Variants in CASP6 observed in about 807,000 individuals in gnomAD.
The protein encoded by CASP6 is caspase 6.
In CASP6, 20 loss-of-function variants were observed where a neutral mutation model predicts 31.8. The observed-to-expected ratio is 0.63, with a 90% CI of 0.44 to 0.91. The LOEUF is 0.91. Among genes scored for constraint, CASP6 ranks in the 40% least tolerant of loss-of-function variants. The probability of loss-of-function intolerance (pLI) is 0.00; values close to 1 mark genes in which losing one functional copy is unlikely to be tolerated. For synonymous variants in CASP6, 130 were observed against 127.8 expected, an observed-to-expected ratio of 1.02 and a Z score of -0.12; for missense variants, 328 against 361.1, an observed-to-expected ratio of 0.91 and a Z score of 0.74.
upstream of CASP6, among the ~76,000 whole-genome samples, chr4:109,708,021 A>T (rs1346923035): frequency 6.6e-6 from 1 of 152,214 alleles, no homozygotes; most frequent in African/African-American, 2.4e-5. Context: ...AAAAAAATTA[A>T]AATGTGTTAA....
chr4:109,669,698 GT>G, the CASP6 span, among the ~76,000 whole-genome samples: 8,499 of 138,864 alleles, frequency 0.061, 566 homozygotes, highest in African/African-American at 0.17. Context: ...TTCTGTTCTG[GT>G]TTTTTTTTTT....
Position 109,689,826 on chromosome 4 carries a change from A to G in CASP6, c.644-258T>C, listed in dbSNP as rs144498397. On this transcript the variant is annotated intron_variant, in intron 6 of 6. Coordinates refer to ENST00000265164, the MANE Select transcript of CASP6 (RefSeq NM_001226.4). ...TAAAAAATTCCCAAGATAGACAATG[A>G]TTGAGACATGAGATTACTAAAAAGA... Among the ~76,000 whole-genome samples, 432 of 152,314 alleles carry G rather than the reference A, an allele frequency of 2.8e-3. 4 individuals are homozygous for G. Among genetic ancestry groups the G allele is most frequent in the African/African-American group, 0.01 (417 of 41,574 alleles).
chr4:109,674,804 T>C, the CASP6 span, among the ~76,000 whole-genome samples: 1 of 152,260 alleles, frequency 6.6e-6, no homozygotes, highest in East Asian at 1.9e-4. Flanking sequence ...CATCTTGAAA[T>C]AGAAATATGT....
the CASP6 span, among the ~76,000 whole-genome samples, chr4:109,669,445 T>C: frequency 2.0e-5 from 3 of 152,274 alleles, no homozygotes; most frequent in Admixed American, 1.3e-4. Context: ...TTAAGAATTA[T>C]TTTCTTTATC....
chr4:109,698,056 G>A (rs1202654723), intron 2 of CASP6, among the ~76,000 whole-genome samples: 1 of 152,188 alleles, frequency 6.6e-6, no homozygotes, highest in African/African-American at 2.4e-5. Flanking sequence ...ACGAGGCTCA[G>A]AACCAAGTTC....
rs530884123 is a variant in CASP6 at position 109,697,418 on chromosome 4, C to A, written c.230+204G>T. Among the ~76,000 whole-genome samples the A allele has an allele frequency of 2.6e-5, 4 of 152,024 alleles. No individual in the cohort carries two copies. The East Asian group carries it at 7.8e-4, about 29-fold the overall frequency. On this transcript the variant is annotated intron_variant, in intron 3 of 6. Coordinates refer to ENST00000265164, the MANE Select transcript of CASP6 (RefSeq NM_001226.4). ...TCCAGAGTAGCTGGGACTACCGCCA[C>A]CATGCCCAGCTAATTGATTTTTATT...
chr4:109,664,956 T>A, the CASP6 span, among the ~76,000 whole-genome samples: 1 of 149,978 alleles, frequency 6.7e-6, no homozygotes, highest in Admixed American at 6.7e-5. Context: ...AAAAAAAAAA[T>A]TGTATTATTT....
the CASP6 span, among the ~76,000 whole-genome samples, chr4:109,682,241 C>CCA: frequency 1.3e-5 from 2 of 152,182 alleles, no homozygotes; most frequent in East Asian, 3.9e-4. Flanking sequence ...AAGGGAGAGG[C>CCA]CAGAGAGCCT....
upstream of CASP6, among the ~76,000 whole-genome samples, chr4:109,705,988 AAAAAAAAAAAAAAATAT>A (rs1252718747): frequency 8.7e-5 from 6 of 68,796 alleles, no homozygotes; most frequent in African/African-American, 3.2e-4. Context: ...AAAAAAAAAA[AAAAAAAAAAAAAAATAT>A]ATATATATAT....
At chr4:109,703,474 C>A, upstream of CASP6, 1 of 1,544,318 alleles carries the variant, frequency 6.5e-7, no homozygotes, top group Middle Eastern at 1.7e-4. Flanking sequence ...CCGCCCTCGG[C>A]CCTTCCTCGG....
chr4:109,672,744 A>T, the CASP6 span, among the ~76,000 whole-genome samples: 1 of 152,222 alleles, frequency 6.6e-6, no homozygotes, highest in Non-Finnish European at 1.5e-5. Context: ...TGTTAAAAAA[A>T]GTCCTCCAGC....
At chr4:109,690,359 C>T (rs905159306) in intron 6 of CASP6, among the ~76,000 whole-genome samples, 4 of 151,488 alleles carry the variant, frequency 2.6e-5, no homozygotes, top group African/African-American at 4.9e-5. Flanking sequence ...CAATCTCTAC[C>T]GAAAAATTAA....
At chr4:109,682,511 G>T in the CASP6 span, 1 of 1,231,722 alleles carries the variant, frequency 8.1e-7, no homozygotes, top group Non-Finnish European at 1.1e-6. Flanking sequence ...AGAGAATTGG[G>T]GACCGAAAGA....
chr4:109,682,965 T>A, the CASP6 span: 1 of 419,990 alleles, frequency 2.4e-6, no homozygotes, highest in Non-Finnish European at 4.3e-6. Context: ...GGACTTGAGC[T>A]CACGTGGCCT....
chr4:109,678,769 T>C, the CASP6 span, among the ~76,000 whole-genome samples: 1 of 134,916 alleles, frequency 7.4e-6, no homozygotes, highest in African/African-American at 2.9e-5. Context: ...GAGGTGCTCC[T>C]CACTTCCCAG....
In CASP6 at chr4:109,694,255, T is replaced by C. The variant is rs147428971; in HGVS notation, c.483+270A>G. Among the ~76,000 whole-genome samples the C allele has an allele frequency of 2.0e-3, 312 of 152,326 alleles. 1 individual carries two copies. The highest frequency in any genetic ancestry group is 6.9e-3 in the African/African-American group (288 of 41,578). On this transcript the variant is annotated intron_variant, in intron 5 of 6. Coordinates refer to ENST00000265164, the MANE Select transcript of CASP6 (RefSeq NM_001226.4). ...CAGGTACGCTTTCCAATGGCTCTCCTTGGTATCAGGCTCGGACAGGGAGTA... is the reference window on the plus strand; with the variant it reads ...CAGGTACGCTTTCCAATGGCTCTCCCTGGTATCAGGCTCGGACAGGGAGTA...
downstream of CASP6, among the ~76,000 whole-genome samples, chr4:109,685,783 T>TA (rs1394116053): frequency 6.6e-6 from 1 of 152,230 alleles, no homozygotes; most frequent in African/African-American, 2.4e-5. Flanking sequence ...GAAAGGCACT[T>TA]ACTCAGGTAT....
chr4:109,696,502 A>G lies in CASP6; in HGVS notation c.231-16T>C, dbSNP rs780172118. ...ATCTGAAAACCTAGTGGTATATTAAATGAAATGTTAGCCTATAAACTTTTC... is the reference window on the plus strand; with the variant it reads ...ATCTGAAAACCTAGTGGTATATTAAGTGAAATGTTAGCCTATAAACTTTTC... On this transcript the variant is annotated splice_polypyrimidine_tract_variant and intron_variant, in intron 3 of 6. Coordinates refer to ENST00000265164, the MANE Select transcript of CASP6 (RefSeq NM_001226.4). The G allele has an allele frequency of 3.4e-5, 54 of 1,568,602 alleles. No homozygotes were observed. The South Asian group carries it at 5.9e-4, about 17-fold the overall frequency.
At chr4:109,683,326 T>C in the CASP6 span, 1 of 152,242 alleles carries the variant, frequency 6.6e-6, no homozygotes, top group Non-Finnish European at 1.5e-5. Flanking sequence ...TATCTTTGAA[T>C]ATGAATGGAA....
Sources: allele counts gnomAD v4.1 joint callset (sites outside exome capture counted in the v4.1 genomes callset), GRCh38; gene constraint gnomAD v4.1.1; transcripts MANE v1.5; gene names NCBI Gene and HGNC (gene_info 2026-07-23, HGNC 2026-07-21).